TNN: variants seen among roughly 807,000 people sequenced by gnomAD.
The protein encoded by TNN is tenascin-N.
Under a neutral mutation model 134.4 loss-of-function variants are expected in TNN, and 122 were observed. The observed-to-expected ratio is 0.91, with a 90% CI of 0.78 to 1.06. TNN has a LOEUF of 1.06. Among genes scored for constraint, TNN ranks in the 50% least tolerant of loss-of-function variants. The pLI is 0.00. For synonymous variants in TNN, 710 were observed against 670.3 expected, an observed-to-expected ratio of 1.06 and a Z score of -0.91; for missense variants, 1,739 against 1,699.4, an observed-to-expected ratio of 1.02 and a Z score of -0.41.
rs200652913 is a variant in TNN, at chr1:175,077,476, C to T, written c.58C>T (p.Leu20=). Residue 20 remains leucine (L), a synonymous_variant, in exon 2 of 19, where the codon CTG becomes TTG. Coordinates refer to ENST00000239462, the MANE Select transcript of TNN (RefSeq NM_022093.2). ...PMGLLLGSVL[L]VASAPATLEP... ...GGGGCTCCTGCTTGGCTCTGTGCTC[C>T]TGGTGGCTTCGGCCCCAGCCACTCT... 12 of 1,613,914 alleles carry T rather than the reference C, an allele frequency of 7.4e-6. No individual in the cohort carries two copies. The South Asian group carries it at 1.3e-4, about 18-fold the overall frequency.
At chr1:175,098,224 T>C (rs528468477) in intron 8 of TNN, 108 bp from the exon 9 acceptor site, 356 of 1,506,522 alleles carry the variant, frequency 2.4e-4, no homozygotes, top group Non-Finnish European at 2.8e-4. Flanking sequence ...GAGAATGCCA[T>C]TGCCTTGTTC....
chr1:175,106,307 T>C lies in TNN; in HGVS notation c.2119+7712T>C, dbSNP rs537176498. Reference sequence around the variant, plus strand: ...TCAGGGTTGGAAGAGTGACACCTTTTGTTCTCACTTATATGAATAGGAAGG... The same window carrying C: ...TCAGGGTTGGAAGAGTGACACCTTTCGTTCTCACTTATATGAATAGGAAGG... On this transcript the variant is annotated intron_variant, in intron 9 of 18. Coordinates refer to ENST00000239462, the MANE Select transcript of TNN (RefSeq NM_022093.2). Among the ~76,000 whole-genome samples the C allele has an allele frequency of 1.4e-5, 2 of 145,936 alleles. 1 individual carries two copies. Among genetic ancestry groups the C allele is most frequent in the East Asian group, 4.6e-4 (2 of 4,316 alleles).
chr1:175,147,802 G>T lies in TNN; in HGVS notation c.*731G>T, dbSNP rs1301373156. 2 of 152,078 alleles carry T rather than the reference G, an allele frequency of 1.3e-5. No individual in the cohort carries two copies. Among genetic ancestry groups the T allele is most frequent in the East Asian group, 1.9e-4 (1 of 5,206 alleles). 9.4% of individuals were successfully genotyped at this position (152,078 alleles called of 1,614,324 possible). On this transcript the variant is annotated 3_prime_UTR_variant, in exon 19 of 19. Transcript: ENST00000239462. ...AATAATTTGACTGTCTTGATAATTG[G>T]TTCCTCCCAAAGACTCTTCTGCAAC...
intron 4 of TNN, 102 bp downstream of exon 4, chr1:175,080,528 G>C: frequency 7.5e-7 from 1 of 1,338,586 alleles, no homozygotes; most frequent in Non-Finnish European, 1.0e-6. Flanking sequence ...TTAGGGGTTT[G>C]AAAAACACAC....
chr1:175,128,245 G>A (rs1675582348), intron 14 of TNN, 81 bp downstream of exon 14: 2 of 1,276,158 alleles, frequency 1.6e-6, no homozygotes, highest in South Asian at 1.5e-5. Flanking sequence ...CCAGGGAGGA[G>A]CAAGTGGATG....
intron 4 of TNN, among the ~76,000 whole-genome samples, chr1:175,083,341 A>C (rs1674243503): frequency 6.6e-6 from 1 of 152,242 alleles, no homozygotes; most frequent in Admixed American, 6.5e-5. Flanking sequence ...TGAGCTGCTT[A>C]TCCTGAGGTC....
At chr1:175,129,846 G>A (rs1675632170) in intron 15 of TNN, among the ~76,000 whole-genome samples, 1 of 152,154 alleles carries the variant, frequency 6.6e-6, no homozygotes, top group Non-Finnish European at 1.5e-5. Context: ...GGAGTCCATT[G>A]TCCAAGTTCT....
chr1:175,118,388 G>T (rs144515536), intron 10 of TNN, among the ~76,000 whole-genome samples, 173 bp from the exon 11 acceptor site: 1 of 152,272 alleles, frequency 6.6e-6, no homozygotes, highest in East Asian at 1.9e-4. Context: ...GAGGAGCCAG[G>T]TATATCTTGG....
chr1:175,080,153 C>T lies in TNN; in HGVS notation c.785-10C>T, dbSNP rs535464810. 1 of 1,613,154 alleles carries T rather than the reference C, an allele frequency of 6.2e-7. No individual in the cohort carries two copies. Among genetic ancestry groups the T allele is most frequent in the African/African-American group, 1.3e-5 (1 of 75,026 alleles). ...TCACCCTCTCTGCCCTGTTCCTGTT[C>T]TGCCTGCAGTGGTCACCCCACAGGG... On this transcript the variant is annotated splice_polypyrimidine_tract_variant and intron_variant, in intron 3 of 18. Coordinates refer to ENST00000239462, the MANE Select transcript of TNN (RefSeq NM_022093.2).
chr1:175,124,854 C>A (rs1675468953), intron 12 of TNN, among the ~76,000 whole-genome samples: 1 of 152,102 alleles, frequency 6.6e-6, no homozygotes, highest in South Asian at 2.1e-4. Context: ...TCTCTTATTC[C>A]TTTCTTCTCC....
intron 1 of TNN, among the ~76,000 whole-genome samples, chr1:175,068,984 A>AT (rs1673859686): frequency 6.6e-6 from 1 of 152,184 alleles, no homozygotes; most frequent in South Asian, 2.1e-4. Flanking sequence ...TTATTTATTA[A>AT]TTTTTGTGCT....
chr1:175,137,511 C>T (rs1036668714), intron 17 of TNN, among the ~76,000 whole-genome samples: 7 of 152,102 alleles, frequency 4.6e-5, no homozygotes, highest in Non-Finnish European at 7.4e-5. Flanking sequence ...CAGAAATGAG[C>T]AGTTCAGTGG....
At position 175,115,247 on chromosome 1, in the gene TNN, A is replaced by G. The variant is rs116879862; in HGVS notation, c.2120-1692A>G. ...TGCCACTCCAGCTCAGTCCTGAGGG[A>G]TGTGACTATGCTGGATGGCCTCAAC... On this transcript the variant is annotated intron_variant, in intron 9 of 18. Coordinates refer to ENST00000239462, the MANE Select transcript of TNN (RefSeq NM_022093.2). Among the ~76,000 whole-genome samples, 173 of 152,218 alleles carry G rather than the reference A, an allele frequency of 1.1e-3. 2 individuals are homozygous for G. In the East Asian group the frequency reaches 0.031, roughly 27 times the overall value.
At chr1:175,068,735 C>T (rs1389028879) in intron 1 of TNN, among the ~76,000 whole-genome samples, 3 of 151,990 alleles carry the variant, frequency 2.0e-5, no homozygotes, top group African/African-American at 4.8e-5. Context: ...GGAGAAACTC[C>T]GTCTCTACTA....
chr1:175,127,424 A>C (rs1675559439), intron 13 of TNN, among the ~76,000 whole-genome samples: 1 of 152,210 alleles, frequency 6.6e-6, no homozygotes, highest in Admixed American at 6.5e-5. Context: ...GCAAATTTTC[A>C]AAACCTGTCC....
At chr1:175,137,535 C>G in intron 17 of TNN, among the ~76,000 whole-genome samples, 2 of 152,264 alleles carry the variant, frequency 1.3e-5, no homozygotes, top group South Asian at 4.1e-4. Context: ...GTGAAGGAAC[C>G]TTTAGCCTCT....
At chr1:175,128,998 G>A (rs1448616970) in intron 15 of TNN, among the ~76,000 whole-genome samples, 1 of 152,118 alleles carries the variant, frequency 6.6e-6, no homozygotes, top group Non-Finnish European at 1.5e-5. Context: ...ACAATGCAAA[G>A]CAAAAGCAAG....
Position 175,127,093 on chromosome 1 carries a change from G to A in TNN, c.3045+8G>A, listed in dbSNP as rs1675548594. 6.2e-7 allele frequency: 1 copy of A among 1,611,342 alleles called. No individual in the cohort carries two copies. Among genetic ancestry groups the A allele is most frequent in the Non-Finnish European group, 8.5e-7 (1 of 1,179,234 alleles). On this transcript the variant is annotated splice_region_variant and intron_variant, in intron 13 of 18. Coordinates refer to ENST00000239462, the MANE Select transcript of TNN (RefSeq NM_022093.2). ...CCAGATGGCACAGTTAAGGTACGGG[G>A]ATTCCTTGTCTTTTCTCCTGGTGCC... is the stretch of plus-strand genomic sequence containing the variant.
chr1:175,097,291 A>T, intron 7 of TNN, 126 bp from the exon 8 acceptor site: 1 of 1,233,172 alleles, frequency 8.1e-7, no homozygotes, highest in South Asian at 1.5e-5. Flanking sequence ...CTTTACATTA[A>T]CTCAATCATT....
Sources: gnomAD v4.1 joint callset for allele counts (sites outside exome capture counted in the v4.1 genomes callset) on GRCh38, gnomAD v4.1.1 for gene constraint, MANE v1.5 for transcripts, NCBI Gene and HGNC (gene_info 2026-07-23, HGNC 2026-07-21) for gene names.